RGS7: variants seen among roughly 807,000 people sequenced by gnomAD.
RGS7 encodes regulator of G-protein signaling 7.
In RGS7, 27 loss-of-function variants were observed where a neutral mutation model predicts 81.1. The ratio of observed to expected loss-of-function variants is 0.33; its 90% CI spans 0.25 to 0.46. The LOEUF (loss-of-function observed/expected upper bound fraction) is 0.46, where lower values mean the gene tolerates loss of function less well. Ranked by LOEUF, RGS7 falls within the 20% of genes least tolerant of loss-of-function variation. The pLI, the probability that RGS7 is intolerant of heterozygous loss-of-function variation, is 1.00. For missense variants in RGS7, 396 were observed against 607.4 expected, an observed-to-expected ratio of 0.65 and a Z score of 3.66; for synonymous variants, 208 against 207.7, an observed-to-expected ratio of 1.00 and a Z score of -0.01.
At chr1:241,101,377 T>C (rs1325690132) in intron 2 of RGS7, among the ~76,000 whole-genome samples, 2 of 151,996 alleles carry the variant, frequency 1.3e-5, no homozygotes, top group Non-Finnish European at 2.9e-5. Flanking sequence ...GCGCCTGTAA[T>C]CCCAGCTACT....
intron 2 of RGS7, among the ~76,000 whole-genome samples, chr1:241,237,836 G>A (rs566318674): frequency 8.5e-5 from 13 of 152,180 alleles, no homozygotes; most frequent in Non-Finnish European, 1.3e-4. Flanking sequence ...AGCTGTCAGT[G>A]CAGCTTTTTA....
At chr1:240,930,494 G>T (rs998311859) in intron 6 of RGS7, among the ~76,000 whole-genome samples, 2 of 151,858 alleles carry the variant, frequency 1.3e-5, no homozygotes, top group Non-Finnish European at 2.9e-5. Context: ...TAATCAGAAG[G>T]CTTTCTTTAA....
intron 6 of RGS7, among the ~76,000 whole-genome samples, chr1:240,901,910 C>G (rs146484589): frequency 6.6e-6 from 1 of 152,288 alleles, no homozygotes; most frequent in East Asian, 1.9e-4. Flanking sequence ...CTCTGATACA[C>G]CTAGTAATGT....
intron 4 of RGS7, among the ~76,000 whole-genome samples, chr1:240,963,222 G>T (rs1362704249): frequency 6.6e-6 from 1 of 152,116 alleles, no homozygotes; most frequent in African/African-American, 2.4e-5. Flanking sequence ...GAAGAATTTC[G>T]TCCATTTAGA....
chr1:240,845,831 T>C (rs879925078), intron 9 of RGS7, among the ~76,000 whole-genome samples: 2 of 152,180 alleles, frequency 1.3e-5, no homozygotes, highest in Non-Finnish European at 2.9e-5. Context: ...TAATGTATCC[T>C]GAAGAGAGAA....
intron 2 of RGS7, among the ~76,000 whole-genome samples, chr1:241,106,896 C>CTT (rs543251900): frequency 9.7e-5 from 14 of 143,950 alleles, no homozygotes; most frequent in African/African-American, 1.3e-4. Context: ...GACGTTTCTG[C>CTT]TTTTTTTTTT....
intron 13 of RGS7, among the ~76,000 whole-genome samples, chr1:240,812,537 A>C (rs1195441296): frequency 1.3e-5 from 2 of 151,244 alleles, no homozygotes; most frequent in Admixed American, 6.6e-5. Context: ...CGGGTTCAAG[A>C]GAGTCTCCTG....
In RGS7 at chr1:241,012,287, T is replaced by C. The variant is rs76099757; in HGVS notation, c.176-29158A>G. Reference sequence around the variant, plus strand: ...AGATAGGTGAGACCGGAGGACCAAATGAGGACCAGAAGCCAGGGAAAAGTC... The same window carrying C: ...AGATAGGTGAGACCGGAGGACCAAACGAGGACCAGAAGCCAGGGAAAAGTC... On this transcript the variant is annotated intron_variant, in intron 3 of 18. Transcript: ENST00000440928. Among the ~76,000 whole-genome samples, 412 of 151,994 alleles carry C rather than the reference T, an allele frequency of 2.7e-3. 3 individuals carry two copies. Among genetic ancestry groups the C allele is most frequent in the African/African-American group, 9.2e-3 (382 of 41,440 alleles).
intron 3 of RGS7, among the ~76,000 whole-genome samples, chr1:241,091,581 A>G (rs539352712): frequency 3.6e-4 from 53 of 148,728 alleles, no homozygotes; most frequent in Non-Finnish European, 6.2e-4. Context: ...AAATAAATAA[A>G]TAAATAAATA....
intron 2 of RGS7, among the ~76,000 whole-genome samples, chr1:241,303,586 T>G (rs567138744): frequency 6.6e-6 from 1 of 152,338 alleles, no homozygotes; most frequent in South Asian, 2.1e-4. Flanking sequence ...TGGTCATATT[T>G]CTTTGGTAAA....
At chr1:240,948,146 T>C (rs1200920129) in intron 4 of RGS7, among the ~76,000 whole-genome samples, 1 of 152,246 alleles carries the variant, frequency 6.6e-6, no homozygotes, top group Admixed American at 6.5e-5. Context: ...TATTTAGTAC[T>C]CATCACCACT....
intron 2 of RGS7, among the ~76,000 whole-genome samples, chr1:241,108,003 A>G (rs149418076): frequency 2.7e-4 from 41 of 152,262 alleles, no homozygotes; most frequent in African/African-American, 9.6e-4. Context: ...ATAATGAGAA[A>G]GAGCCCAAGG....
intron 3 of RGS7, among the ~76,000 whole-genome samples, chr1:241,027,522 A>G (rs1185811234): frequency 2.0e-5 from 3 of 152,156 alleles, no homozygotes; most frequent in Non-Finnish European, 4.4e-5. Context: ...ACTGCTGCCC[A>G]GGGTGCGTGG....
chr1:241,162,966 C>T (rs1268213193), intron 2 of RGS7, among the ~76,000 whole-genome samples: 1 of 152,112 alleles, frequency 6.6e-6, no homozygotes, highest in East Asian at 1.9e-4. Context: ...CCAGAGTTGG[C>T]ACATTGGAAA....
rs2059642695 is a variant in RGS7 at position 241,023,539 on chromosome 1, C to CG, written c.176-40411_176-40410insC. Among the ~76,000 whole-genome samples, 4 of 152,324 alleles carry CG rather than the reference C, an allele frequency of 2.6e-5. No homozygotes were observed. In the East Asian group the frequency reaches 7.7e-4, roughly 29 times the overall value. On this transcript the variant is annotated intron_variant, in intron 3 of 18. Coordinates refer to ENST00000440928, the MANE Select transcript of RGS7 (RefSeq NM_001364886.1). ...GAGAAAATTAACTTTGTTTTGGGAT[C>CG]ACGCCAATTGGCAAACATGGATGCC...
intron 18 of RGS7, among the ~76,000 whole-genome samples, chr1:240,788,528 T>C (rs1434820987): frequency 6.6e-6 from 1 of 152,204 alleles, no homozygotes; most frequent in Non-Finnish European, 1.5e-5. Flanking sequence ...AACACTTGAA[T>C]TGGATCCATC....
intron 4 of RGS7, among the ~76,000 whole-genome samples, chr1:240,971,823 T>C (rs753735022): frequency 1.1e-4 from 17 of 152,334 alleles, no homozygotes; most frequent in Non-Finnish European, 1.6e-4. Flanking sequence ...TCATTTTTAT[T>C]GATCTCCTAT....
rs71172654 is a variant in RGS7 at position 240,868,117 on chromosome 1, GGAAA to G, written c.609+466_609+469del. On this transcript the variant is annotated intron_variant, in intron 9 of 18. Transcript: ENST00000440928. The surrounding 1 kb of genome is among the most constrained non-coding windows in gnomAD (Gnocchi z 5.1). ...GAAAAGAAAAAGAAAGAAAAGAAAA[GGAAA>G]GAAAGAAAGAAAGAAAGAAAGAAAG... Among the ~76,000 whole-genome samples the G allele has an allele frequency of 0.024, 2,989 of 122,456 alleles. 46 individuals carry two copies. Among genetic ancestry groups the G allele is most frequent in the Admixed American group, 0.037 (461 of 12,386 alleles). 80.3% of individuals were successfully genotyped at this position (122,456 alleles called of 152,430 possible).
At chr1:241,204,124 G>A (rs533130266) in intron 2 of RGS7, among the ~76,000 whole-genome samples, 15 of 152,348 alleles carry the variant, frequency 9.8e-5, no homozygotes, top group Non-Finnish European at 1.9e-4. Flanking sequence ...GAATGAGCCT[G>A]AAATGATGGG....
Sources: allele counts gnomAD v4.1 joint callset (sites outside exome capture counted in the v4.1 genomes callset), GRCh38; gene constraint gnomAD v4.1.1; non-coding constraint Gnocchi (gnomAD v3.1); transcripts MANE v1.5; gene names NCBI Gene and HGNC (gene_info 2026-07-23, HGNC 2026-07-21).